UNC13C: variants seen among roughly 807,000 people sequenced by gnomAD.
UNC13C encodes the protein unc-13 homolog C.
In UNC13C, 174 loss-of-function variants were observed where a neutral mutation model predicts 245.4. That is an observed-to-expected ratio of 0.71 (90% CI 0.63 to 0.80). The LOEUF is 0.80. Among genes scored for constraint, UNC13C ranks in the 30% least tolerant of loss-of-function variants. The pLI is 0.00. For synonymous variants in UNC13C, 992 were observed against 895.1 expected (o/e 1.11, Z -1.93); for missense variants, 2,829 against 2,602.9 (o/e 1.09, Z -1.89).
intron 2 of UNC13C, among the ~76,000 whole-genome samples, chr15:54,071,550 G>A (rs1898327119): frequency 6.6e-6 from 1 of 152,014 alleles, no homozygotes; most frequent in Non-Finnish European, 1.5e-5. Flanking sequence ...AGTTCTGAAT[G>A]GCTGACTCCA....
the UNC13C span, among the ~76,000 whole-genome samples, chr15:53,878,209 G>A: frequency 6.6e-6 from 1 of 152,052 alleles, no homozygotes; most frequent in South Asian, 2.1e-4. Context: ...GAAATTTGCT[G>A]TCAACTTAGA....
intron 2 of UNC13C, among the ~76,000 whole-genome samples, chr15:54,138,180 T>G (rs1440848097): frequency 6.6e-6 from 1 of 152,154 alleles, no homozygotes; most frequent in African/African-American, 2.4e-5. Flanking sequence ...TTGATATGAT[T>G]TCAATGTTTA....
intron 8 of UNC13C, among the ~76,000 whole-genome samples, chr15:54,263,374 G>A (rs1254073350): frequency 6.6e-6 from 1 of 152,060 alleles, no homozygotes; most frequent in African/African-American, 2.4e-5. Flanking sequence ...AACCCAGAAG[G>A]CCATACAGAA....
chr15:54,314,417 A>C (rs930998572), intron 13 of UNC13C, among the ~76,000 whole-genome samples: 1 of 143,992 alleles, frequency 6.9e-6, no homozygotes, highest in Non-Finnish European at 1.5e-5. Flanking sequence ...ATAAACATGT[A>C]ATTTTTATTT....
intron 30 of UNC13C, among the ~76,000 whole-genome samples, chr15:54,607,143 A>G (rs549339052): frequency 2.3e-4 from 35 of 152,300 alleles, no homozygotes; most frequent in South Asian, 1.7e-3. Flanking sequence ...ATCTAGTTCT[A>G]TGTCAAATCC....
At chr15:53,963,701 G>A in the UNC13C span, among the ~76,000 whole-genome samples, 1 of 152,174 alleles carries the variant, frequency 6.6e-6, no homozygotes, top group African/African-American at 2.4e-5. Flanking sequence ...TTAAAGATGA[G>A]TCTGCAGAAC....
chr15:54,507,216 T>C (rs1356218484), intron 23 of UNC13C, 22 bp downstream of exon 23: 8 of 1,479,500 alleles, frequency 5.4e-6, no homozygotes, highest in Middle Eastern at 1.7e-4. Flanking sequence ...ATGTCTCTAC[T>C]TTCAAGTATC....
chr15:54,415,140 A>G (rs2040493179), intron 19 of UNC13C, 73 bp downstream of exon 19: 4 of 1,111,486 alleles, frequency 3.6e-6, no homozygotes, highest in Middle Eastern at 2.8e-4. Flanking sequence ...TTGGCTTTAA[A>G]TGTTGAGAAT....
chr15:54,470,671 T>C (rs1004700915), intron 19 of UNC13C, among the ~76,000 whole-genome samples: 1 of 151,392 alleles, frequency 6.6e-6, no homozygotes, highest in African/African-American at 2.4e-5. Context: ...ATTTTTTCAA[T>C]TTTGTTTATC....
At chr15:53,926,746 A>C in the UNC13C span, among the ~76,000 whole-genome samples, 1 of 152,086 alleles carries the variant, frequency 6.6e-6, no homozygotes, top group Non-Finnish European at 1.5e-5. Context: ...GGAAGAAGAT[A>C]CCAATCTTTA....
At position 54,234,832 on chromosome 15, in the gene UNC13C, G is replaced by C. The variant is rs146570222; in HGVS notation, c.3072-198G>C. ...AACTATCCAAGAAGATGAGTCGTCA[G>C]CAAATGTGGTAGCTACAGTCTTTTT... On this transcript the variant is annotated intron_variant, in intron 4 of 32. Coordinates refer to ENST00000260323, the MANE Select transcript of UNC13C (RefSeq NM_001080534.3). Among the ~76,000 whole-genome samples, 336 of 152,308 alleles carry C rather than the reference G, an allele frequency of 2.2e-3. 3 individuals are homozygous for C. The highest frequency in any genetic ancestry group is 7.9e-3 in the African/African-American group (328 of 41,572).
rs937059967 is a variant in UNC13C at position 54,489,112 on chromosome 15, A to G, written c.4934-5496A>G. Among the ~76,000 whole-genome samples the G allele has an allele frequency of 6.8e-4, 103 of 152,178 alleles. 3 individuals are homozygous for G. The highest frequency in any genetic ancestry group is 2.9e-5 in the Non-Finnish European group (2 of 68,020). On this transcript the variant is annotated intron_variant, in intron 19 of 32. Coordinates refer to ENST00000260323, the MANE Select transcript of UNC13C (RefSeq NM_001080534.3). ...AGTTTATTTTAAATATCTCCTGTATAATATGTGATTACTCATTATGGAAGG... is the reference window on the plus strand; with the variant it reads ...AGTTTATTTTAAATATCTCCTGTATGATATGTGATTACTCATTATGGAAGG...
intron 2 of UNC13C, among the ~76,000 whole-genome samples, chr15:54,115,351 A>G (rs938622185): frequency 2.6e-5 from 4 of 152,154 alleles, no homozygotes; most frequent in African/African-American, 9.6e-5. Context: ...CAGTTGTGCC[A>G]ACATTATCAA....
intron 2 of UNC13C, among the ~76,000 whole-genome samples, chr15:54,084,127 A>C (rs1465313015): frequency 6.6e-6 from 1 of 152,206 alleles, no homozygotes; most frequent in Non-Finnish European, 1.5e-5. Flanking sequence ...GGTCGGTCTC[A>C]GCCAGACTCT....
chr15:53,953,803 C>T, the UNC13C span, among the ~76,000 whole-genome samples: 1 of 152,232 alleles, frequency 6.6e-6, no homozygotes, highest in African/African-American at 2.4e-5. Context: ...AGCTATTTAA[C>T]ATTTAGGATT....
At chr15:54,597,366 T>G (rs1899145533) in intron 30 of UNC13C, among the ~76,000 whole-genome samples, 1 of 152,280 alleles carries the variant, frequency 6.6e-6, no homozygotes, top group Non-Finnish European at 1.5e-5. Flanking sequence ...AGGAGATAGC[T>G]TAACACCTTT....
chr15:54,046,970 G>A (rs1265414981), intron 2 of UNC13C, among the ~76,000 whole-genome samples: 1 of 151,998 alleles, frequency 6.6e-6, no homozygotes, highest in Non-Finnish European at 1.5e-5. Context: ...TTATACGCAT[G>A]TAACATATTT....
intron 26 of UNC13C, among the ~76,000 whole-genome samples, chr15:54,538,280 C>G (rs1481595594): frequency 6.7e-6 from 1 of 149,890 alleles, no homozygotes; most frequent in African/African-American, 2.4e-5. Context: ...AAATGAAAAT[C>G]AAAGCCACAA....
intron 2 of UNC13C, among the ~76,000 whole-genome samples, chr15:54,025,150 G>T (rs1896057250): frequency 1.3e-5 from 2 of 152,162 alleles, no homozygotes; most frequent in South Asian, 4.1e-4. Context: ...TTTAGAATAA[G>T]TATGTCTCTC....
Sources: allele counts gnomAD v4.1 joint callset (sites outside exome capture counted in the v4.1 genomes callset), GRCh38; gene constraint gnomAD v4.1.1; transcripts MANE v1.5; gene names NCBI Gene and HGNC (gene_info 2026-07-23, HGNC 2026-07-21).